The following ZNF451 variants were observed in gnomAD, a reference collection of about 807,000 sequenced individuals.
ZNF451 encodes zinc finger protein 451.
Under a neutral mutation model 107.1 loss-of-function variants are expected in ZNF451, and 80 were observed. The observed-to-expected ratio is 0.75, with a 90% confidence interval of 0.62 to 0.90. ZNF451 has a LOEUF of 0.90. Among genes scored for constraint, ZNF451 ranks in the 40% least tolerant of loss-of-function variants. ZNF451 has a pLI of 0.00. For synonymous variants in ZNF451, 362 were observed against 406.5 expected (o/e 0.89, Z 1.32); for missense variants, 1,107 against 1,236.2 (o/e 0.90, Z 1.57).
At chr6:57,113,931 T>G (rs1830243676) in intron 3 of ZNF451, among the ~76,000 whole-genome samples, 2 of 152,096 alleles carry the variant, frequency 1.3e-5, no homozygotes, top group Admixed American at 6.6e-5. Flanking sequence ...AGCCGAAAAA[T>G]TTTTTATAAA....
intron 3 of ZNF451, among the ~76,000 whole-genome samples, chr6:57,113,410 G>T (rs1424784762): frequency 1.3e-5 from 2 of 150,088 alleles, no homozygotes; most frequent in African/African-American, 4.9e-5. Context: ...TCTAGAAATT[G>T]CTTTGCAAAA....
chr6:57,104,668 G>A (rs1252059311), intron 3 of ZNF451: 1 of 984,958 alleles, frequency 1.0e-6, no homozygotes, highest in African/African-American at 1.7e-5. Flanking sequence ...GCGTATGGTA[G>A]TGTTGACTAT....
chr6:57,146,533 C>T (rs982726742), intron 9 of ZNF451, among the ~76,000 whole-genome samples: 12 of 152,082 alleles, frequency 7.9e-5, no homozygotes, highest in African/African-American at 1.4e-4. Flanking sequence ...GTCCTTTCCC[C>T]AGTGTCTATT....
chr6:57,163,977 C>G (rs142921378), intron 14 of ZNF451, among the ~76,000 whole-genome samples: 1 of 152,300 alleles, frequency 6.6e-6, no homozygotes, highest in African/African-American at 2.4e-5. Context: ...TCCTTCCTTT[C>G]CCAGTACAAC....
Position 57,168,665 on chromosome 6 carries a change from G to A in ZNF451, c.*196G>A, listed in dbSNP as rs1290905448. 3.7e-6 allele frequency: 2 copies of A among 536,716 alleles called. No homozygotes were observed. The highest frequency in any genetic ancestry group is 4.0e-5 in the African/African-American group (2 of 50,160). The allele number at this position is 536,716 out of a possible 1,614,324, so 33.2% of individuals were successfully genotyped here. ...TGTGCAAACATGTACAGAAGAAATA[G>A]AATACATGTTCATGCAAATATAAAT... On this transcript the variant is annotated 3_prime_UTR_variant, in exon 15 of 15. Transcript: ENST00000370706.
chr6:57,148,398 T>C lies in ZNF451; in HGVS notation c.2313T>C (p.His771=), dbSNP rs1004071654. The C allele has an allele frequency of 5.8e-5, 93 of 1,613,798 alleles. No homozygotes were observed. Among genetic ancestry groups the C allele is most frequent in the Non-Finnish European group, 7.5e-5 (88 of 1,179,888 alleles). ...AGAATTTAACCGACATGAACACTCATATCCATCAAGTGCACAAAGAAAAGA... is the reference window on the plus strand; with the variant it reads ...AGAATTTAACCGACATGAACACTCACATCCATCAAGTGCACAAAGAAAAGA... ...TAQNLTDMNT[H]IHQVHKEKSD... The change falls in exon 10 of 15, where the codon CAT becomes CAC. Residue 771 remains histidine (H), a synonymous_variant. Transcript: ENST00000370706.
intron 3 of ZNF451, chr6:57,109,376 G>A (rs1830011845): frequency 1.0e-6 from 1 of 985,318 alleles, no homozygotes; most frequent in Middle Eastern, 5.2e-4. Context: ...AAAGCACATG[G>A]TATTTGAATT....
intron 13 of ZNF451, among the ~76,000 whole-genome samples, chr6:57,155,938 A>C (rs1165444814): frequency 6.6e-6 from 1 of 150,944 alleles, no homozygotes; most frequent in African/African-American, 2.4e-5. Context: ...TGTGCACTGC[A>C]TGAAGAAGGA....
chr6:57,125,810 T>C (rs990267064), intron 4 of ZNF451, among the ~76,000 whole-genome samples: 3 of 145,854 alleles, frequency 2.1e-5, no homozygotes, highest in Admixed American at 6.7e-5. Context: ...GTATTCTAAT[T>C]GTATGTTTTA....
chr6:57,130,789 T>C lies in ZNF451; in HGVS notation c.424+1949T>C, dbSNP rs71564884. 9.9e-3 allele frequency among the ~76,000 whole-genome samples: 1,513 copies of C among 152,266 alleles called. 11 individuals are homozygous for C. The highest frequency in any genetic ancestry group is 0.022 in the South Asian group (104 of 4,820). ...TGTGTCTTTATGGTACTTTCAAGAT[T>C]AGTGTTTTCTCTGCCTTTCAGTACT... On this transcript the variant is annotated intron_variant, in intron 5 of 14. Transcript: ENST00000370706.
At chr6:57,138,769 G>GTA (rs1831593735) in intron 7 of ZNF451, among the ~76,000 whole-genome samples, 8 of 126,050 alleles carry the variant, frequency 6.3e-5, no homozygotes, top group Non-Finnish European at 8.3e-5. Flanking sequence ...GTGTGTGTGT[G>GTA]TGTGTGTATA....
At chr6:57,105,797 G>A in intron 3 of ZNF451, 1 of 985,190 alleles carries the variant, frequency 1.0e-6, no homozygotes, top group Non-Finnish European at 1.2e-6. Context: ...GAATAAGCAA[G>A]GACATTTTTA....
chr6:57,148,387 A>G lies in ZNF451; in HGVS notation c.2302A>G (p.Met768Val), dbSNP rs774776763. The G allele has an allele frequency of 8.1e-6, 13 of 1,613,906 alleles. No homozygotes were observed. Among genetic ancestry groups the G allele is most frequent in the Non-Finnish European group, 1.0e-5 (12 of 1,179,872 alleles). The change falls in exon 10 of 15, where the codon ATG becomes GTG. Residue 768 changes from methionine (M) to valine (V), a missense_variant. Coordinates refer to ENST00000370706, the MANE Select transcript of ZNF451 (RefSeq NM_001031623.3). Reference protein sequence around the residue: ...CSATAQNLTDMNTHIHQVHKE... With the variant: ...CSATAQNLTDVNTHIHQVHKE... ...GGCAACAGCACAGAATTTAACCGAC[A>G]TGAACACTCATATCCATCAAGTGCA...
chr6:57,109,158 C>A, intron 3 of ZNF451: 12 of 985,396 alleles, frequency 1.2e-5, no homozygotes, highest in Non-Finnish European at 1.4e-5. Flanking sequence ...ATTGAGATTT[C>A]ACTGCTGGAC....
At chr6:57,168,289 C>A in intron 14 of ZNF451, 134 bp from the exon 15 acceptor site, 1 of 574,584 alleles carries the variant, frequency 1.7e-6, no homozygotes, top group Non-Finnish European at 3.0e-6. Flanking sequence ...GAGAAACTGC[C>A]AAGTTATCCT....
Position 57,168,901 on chromosome 6 carries a change from T to C in ZNF451, c.*432T>C, listed in dbSNP as rs1274382345. ...AAGGTGACATAGGTCAAGTTTTCCA[T>C]AAATTCTACTTCTCATGTGGCACTA... On this transcript the variant is annotated 3_prime_UTR_variant, in exon 15 of 15. Transcript: ENST00000370706. 2 of 155,930 alleles carry C rather than the reference T, an allele frequency of 1.3e-5. No individual in the cohort carries two copies. Among genetic ancestry groups the C allele is most frequent in the East Asian group, 3.8e-4 (2 of 5,292 alleles). 9.7% of individuals were successfully genotyped at this position (155,930 alleles called of 1,614,324 possible). A position where few individuals can be genotyped will look rare whatever the true frequency, so the allele number is the denominator to read the frequency against.
intron 5 of ZNF451, among the ~76,000 whole-genome samples, chr6:57,130,321 G>C (rs559259475): frequency 1.5e-4 from 23 of 152,134 alleles, no homozygotes; most frequent in African/African-American, 5.5e-4. Context: ...TTTGCCTCTT[G>C]GGGTGTTTTT....
intron 3 of ZNF451, chr6:57,106,565 C>T: frequency 1.0e-6 from 1 of 976,218 alleles, no homozygotes; most frequent in African/African-American, 1.8e-5. Flanking sequence ...CTTGGCCTCC[C>T]AAAGTGCTGG....
intron 3 of ZNF451, chr6:57,106,553 G>A (rs966349086): frequency 8.4e-6 from 8 of 953,168 alleles, no homozygotes; most frequent in East Asian, 1.2e-4. Flanking sequence ...TGATCCGCCC[G>A]CCTTGGCCTC....
Sources: allele counts gnomAD v4.1 joint callset (sites outside exome capture counted in the v4.1 genomes callset), GRCh38; gene constraint gnomAD v4.1.1; transcripts MANE v1.5; gene names NCBI Gene and HGNC (gene_info 2026-07-23, HGNC 2026-07-21).